The following TMEM135 variants were observed in gnomAD, a reference collection of about 807,000 sequenced individuals.
TMEM135 encodes peroxisomal membrane protein 52.
In TMEM135, 30 loss-of-function variants were observed where a neutral mutation model predicts 60.3. The ratio of observed to expected loss-of-function variants is 0.50; its 90% CI spans 0.37 to 0.68. TMEM135 has a LOEUF of 0.68. Ranked by LOEUF, TMEM135 falls within the 30% of genes least tolerant of loss-of-function variation. TMEM135 has a pLI of 0.00. For synonymous variants in TMEM135, 190 were observed against 186.7 expected (o/e 1.02, Z -0.14); for missense variants, 468 against 548.8 (o/e 0.85, Z 1.47).
chr11:87,246,131 G>T (rs1379234117), intron 6 of TMEM135, among the ~76,000 whole-genome samples: 1 of 128,786 alleles, frequency 7.8e-6, no homozygotes, highest in Admixed American at 7.7e-5. Flanking sequence ...GGCTGGATAT[G>T]AAATTCTGGG....
At position 87,056,158 on chromosome 11, in the gene TMEM135, G is replaced by C. The variant is rs541600375; in HGVS notation, c.142-11536G>C. ...ATAAAGCAAAATTAGGAATGCCTTT[G>C]TTCTTCAGATATTGGGATATCTGGC... On this transcript the variant is annotated intron_variant, in intron 1 of 14. Coordinates refer to ENST00000305494, the MANE Select transcript of TMEM135 (RefSeq NM_022918.4). Among the ~76,000 whole-genome samples, 6 of 152,264 alleles carry C rather than the reference G, an allele frequency of 3.9e-5. No homozygotes were observed. In the South Asian group the frequency reaches 1.2e-3, roughly 32 times the overall value.
chr11:87,262,175 T>C (rs1297000990), intron 6 of TMEM135, among the ~76,000 whole-genome samples: 1 of 152,078 alleles, frequency 6.6e-6, no homozygotes, highest in Non-Finnish European at 1.5e-5. Context: ...CCATGAACAT[T>C]GTTTTTAAAA....
At chr11:87,174,516 A>G (rs617750) in intron 5 of TMEM135, among the ~76,000 whole-genome samples, 2 of 152,132 alleles carry the variant, frequency 1.3e-5, no homozygotes, top group Admixed American at 6.6e-5. Context: ...TTTCCTTTTT[A>G]AGCAGCAATT....
At chr11:87,132,147 C>T (rs926935642) in intron 4 of TMEM135, among the ~76,000 whole-genome samples, 1 of 151,920 alleles carries the variant, frequency 6.6e-6, no homozygotes, top group African/African-American at 2.4e-5. Flanking sequence ...ATAAAGTGAA[C>T]AGTAAATGTA....
intron 14 of TMEM135, 83 bp downstream of exon 14, chr11:87,319,460 T>A: frequency 1.0e-6 from 1 of 958,988 alleles, no homozygotes; most frequent in Non-Finnish European, 1.6e-6. Flanking sequence ...GTAAAGTAGG[T>A]ATTTATATAT....
Position 87,149,877 on chromosome 11 carries a change from A to G in TMEM135, c.397-7464A>G, listed in dbSNP as rs536297786. ...CTATTGGACACTGTTGATTACTTCT[A>G]TAATAGTTTTTTCAAAATGTAATTA... On this transcript the variant is annotated intron_variant, in intron 4 of 14. Coordinates refer to ENST00000305494, the MANE Select transcript of TMEM135 (RefSeq NM_022918.4). 5.9e-5 allele frequency among the ~76,000 whole-genome samples: 9 copies of G among 152,334 alleles called. No individual in the cohort carries two copies. In the South Asian group the frequency reaches 1.9e-3, roughly 32 times the overall value.
At chr11:87,136,995 T>G (rs960903002) in intron 4 of TMEM135, among the ~76,000 whole-genome samples, 1 of 152,012 alleles carries the variant, frequency 6.6e-6, no homozygotes, top group African/African-American at 2.4e-5. Flanking sequence ...TTAGATCAAG[T>G]TGATTAATAG....
At chr11:87,162,483 G>A (rs1157647558) in intron 5 of TMEM135, among the ~76,000 whole-genome samples, 1 of 152,086 alleles carries the variant, frequency 6.6e-6, no homozygotes, top group African/African-American at 2.4e-5. Context: ...TTGGTTTTCT[G>A]TTCCTGTGTT....
At chr11:87,274,153 G>A (rs1456567377) in intron 6 of TMEM135, among the ~76,000 whole-genome samples, 1 of 152,036 alleles carries the variant, frequency 6.6e-6, no homozygotes, top group African/African-American at 2.4e-5. Context: ...TCCTAATCTA[G>A]GTATGTCGAC....
chr11:87,321,527 C>T lies in TMEM135; in HGVS notation c.*194C>T, dbSNP rs1173344664. 1.4e-6 allele frequency: 1 copy of T among 698,568 alleles called. No homozygotes were observed. Among genetic ancestry groups the T allele is most frequent in the Admixed American group, 2.0e-5 (1 of 49,622 alleles). The allele number at this position is 698,568 out of a possible 1,614,324, so 43.3% of individuals were successfully genotyped here. ...AAGATGTTGCTTAATAATTAAGCTT[C>T]CTCCATAGCCAGAATAAGATTCTGG... On this transcript the variant is annotated 3_prime_UTR_variant, in exon 15 of 15. Coordinates refer to ENST00000305494, the MANE Select transcript of TMEM135 (RefSeq NM_022918.4).
At chr11:87,190,632 A>G (rs1939777696) in intron 5 of TMEM135, among the ~76,000 whole-genome samples, 1 of 152,206 alleles carries the variant, frequency 6.6e-6, no homozygotes, top group South Asian at 2.1e-4. Flanking sequence ...GCTAGCATTA[A>G]TATGAAGGAG....
At chr11:87,074,814 A>C (rs1045443689) in intron 3 of TMEM135, among the ~76,000 whole-genome samples, 1 of 152,206 alleles carries the variant, frequency 6.6e-6, no homozygotes, top group Non-Finnish European at 1.5e-5. Context: ...CACACAAGAC[A>C]ATTAGCAACC....
chr11:87,202,730 T>TAAAA (rs201573717), intron 5 of TMEM135, among the ~76,000 whole-genome samples: 4 of 134,410 alleles, frequency 3.0e-5, no homozygotes, highest in African/African-American at 5.5e-5. Flanking sequence ...TAAAAGACTT[T>TAAAA]AAAAAAAAAA....
Position 87,324,143 on chromosome 11 carries a change from C to T in TMEM135, c.*2810C>T, listed in dbSNP as rs1403677024. ...TCCTTGTAGATTGTATCTAGGCTAA[C>T]ATTTCATTTAGTTGTTAATGCTGAC... On this transcript the variant is annotated 3_prime_UTR_variant, in exon 15 of 15. Transcript: ENST00000305494. The T allele has an allele frequency of 6.6e-6, 3 of 454,036 alleles. No individual in the cohort carries two copies. The highest frequency in any genetic ancestry group is 4.7e-5 in the South Asian group (3 of 64,472). 28.1% of individuals were successfully genotyped at this position (454,036 alleles called of 1,614,324 possible).
At chr11:87,258,808 G>A (rs525069) in intron 6 of TMEM135, 399,797 of 600,264 alleles carry the variant, frequency 0.67, 134,810 homozygotes, top group Non-Finnish European at 0.71. Context: ...TTGAATTTCT[G>A]ACTTCTCCCA....
At chr11:87,249,926 G>A (rs1303126180) in intron 6 of TMEM135, among the ~76,000 whole-genome samples, 2 of 152,034 alleles carry the variant, frequency 1.3e-5, no homozygotes, top group East Asian at 1.9e-4. Context: ...GAAACTATCA[G>A]GTTCTGGACT....
At chr11:87,133,883 G>A (rs955112995) in intron 4 of TMEM135, among the ~76,000 whole-genome samples, 3 of 151,926 alleles carry the variant, frequency 2.0e-5, no homozygotes, top group Non-Finnish European at 2.9e-5. Flanking sequence ...TTTTATTGCC[G>A]ATAAGCATTC....
intron 6 of TMEM135, among the ~76,000 whole-genome samples, chr11:87,282,969 G>A (rs575944594): frequency 2.0e-4 from 31 of 152,054 alleles, no homozygotes; most frequent in Non-Finnish European, 4.0e-4. Flanking sequence ...GAGGATGTAA[G>A]CTGGAGTATT....
chr11:87,260,933 C>T (rs7939286), intron 6 of TMEM135, among the ~76,000 whole-genome samples: 53,704 of 151,940 alleles, frequency 0.35, 10,041 homozygotes, highest in Non-Finnish European at 0.42. Context: ...CCAACACTCT[C>T]CCAGGCGATG....
Sources: gnomAD v4.1 joint callset for allele counts (sites outside exome capture counted in the v4.1 genomes callset) on GRCh38, gnomAD v4.1.1 for gene constraint, MANE v1.5 for transcripts, NCBI Gene and HGNC (gene_info 2026-07-23, HGNC 2026-07-21) for gene names.